The following SH3TC2 variants were observed in gnomAD, a reference collection of about 807,000 sequenced individuals.
SH3TC2 encodes SH3 domain and tetratricopeptide repeat-containing protein 2.
In SH3TC2, 87 loss-of-function variants were observed where a neutral mutation model predicts 124.5. The observed-to-expected ratio is 0.70, with a 90% CI of 0.59 to 0.84. The LOEUF (loss-of-function observed/expected upper bound fraction) is 0.84. Among genes scored for constraint, SH3TC2 ranks in the 40% least tolerant of loss-of-function variants. SH3TC2 has a pLI of 0.00. For synonymous variants in SH3TC2, 634 were observed against 628.5 expected, an observed-to-expected ratio of 1.01 and a Z score of -0.13; for missense variants, 1,536 against 1,566.4, an observed-to-expected ratio of 0.98 and a Z score of 0.33.
chr5:148,984,561 G>C lies in SH3TC2; in HGVS notation c.*20150C>G, dbSNP rs970819306. Among the ~76,000 whole-genome samples, 1 of 152,044 alleles carries C rather than the reference G, an allele frequency of 6.6e-6. No individual in the cohort carries two copies. The highest frequency in any genetic ancestry group is 2.4e-5 in the African/African-American group (1 of 41,402). On this transcript the variant is annotated 3_prime_UTR_variant, in exon 17 of 17. Transcript: ENST00000515425. ...AAATTGAGCATTCCTTGACTAAGTC[G>C]AAACCCCTGACTCAGTCTTCTGCCT...
chr5:149,006,825 G>A lies in SH3TC2; in HGVS notation c.3675+56C>T, dbSNP rs576456698. Reference sequence around the variant, plus strand: ...AAGGCTCCTCATTGTCTTTGAGTCAGGAAGGAGAATGGTTGGGTGGTGGCT... The same window carrying A: ...AAGGCTCCTCATTGTCTTTGAGTCAAGAAGGAGAATGGTTGGGTGGTGGCT... On this transcript the variant is annotated intron_variant, in intron 16 of 16. Transcript: ENST00000515425. The A allele has an allele frequency of 2.2e-4, 345 of 1,547,968 alleles. 1 individual carries two copies. Among genetic ancestry groups the A allele is most frequent in the South Asian group, 5.3e-4 (47 of 89,488 alleles).
In SH3TC2 at chr5:149,024,309, G is replaced by T. The variant is rs560804412; in HGVS notation, c.3053+2263C>A. 2.0e-5 allele frequency among the ~76,000 whole-genome samples: 3 copies of T among 152,210 alleles called. No individual in the cohort carries two copies. In the East Asian group the frequency reaches 5.8e-4, roughly 29 times the overall value. ...TGACTTGGCTACCCCAAACACACAT[G>T]CACCGTATGTCTCCTCCATGCCAAG... On this transcript the variant is annotated intron_variant, in intron 12 of 16. Transcript: ENST00000515425.
rs757076953 is a variant in SH3TC2 at position 149,062,333 on chromosome 5, C to G, written c.52+638G>C. On this transcript the variant is annotated intron_variant, in intron 1 of 16. Transcript: ENST00000515425. The stretch of plus-strand genomic sequence containing the variant: ...AGAAGGTTGCTTCAGGGAGACCAAC[C>G]AGCCTGGTTGGCCTGGAACTGACAT... 27 of 531,680 alleles carry G rather than the reference C, an allele frequency of 5.1e-5. 1 individual carries two copies. The Admixed American group carries it at 5.3e-4, about 10-fold the overall frequency. The allele number at this position is 531,680 out of a possible 1,614,324, so 32.9% of individuals were successfully genotyped here. A position where few individuals can be genotyped will look rare whatever the true frequency, so the allele number is the denominator to read the frequency against.
intron 2 of SH3TC2, 172 bp from the exon 3 acceptor site, chr5:149,048,161 C>G (rs534431101): frequency 1.1e-6 from 1 of 877,724 alleles, no homozygotes; most frequent in South Asian, 1.5e-5. Flanking sequence ...TTTAAATGGT[C>G]CTCCCTTGAG....
In SH3TC2 at chr5:149,041,587, A is replaced by G. The variant is rs1554122762; in HGVS notation, c.560T>C (p.Val187Ala). The G allele has an allele frequency of 6.2e-7, 1 of 1,614,204 alleles. No individual in the cohort carries two copies. The highest frequency in any genetic ancestry group is 8.5e-7 in the Non-Finnish European group (1 of 1,180,040). ...CCCTTCCTTCTCGGCTGGTGGAGTC[A>G]CGGAGCACAGGGCTCTGCAGAAGAA... ...GHFFCRALCS[V>A]TPPAEKEGEC... Residue 187 changes from valine to alanine, a missense_variant, in exon 6 of 17, where the codon GTG becomes GCG. Transcript: ENST00000515425.
At chr5:149,059,006 G>A (rs563931233) in intron 1 of SH3TC2, among the ~76,000 whole-genome samples, 4 of 152,142 alleles carry the variant, frequency 2.6e-5, no homozygotes, top group Non-Finnish European at 5.9e-5. Context: ...CCCTGGCAAT[G>A]AGAAGTGAGG....
Position 148,985,008 on chromosome 5 carries a change from T to A in SH3TC2, c.*19703A>T, listed in dbSNP as rs1753311073. On this transcript the variant is annotated 3_prime_UTR_variant, in exon 17 of 17. Coordinates refer to ENST00000515425, the MANE Select transcript of SH3TC2 (RefSeq NM_024577.4). ...GGAAGATTACTCCCATTATTTTTAA[T>A]CTGGTTTTCATGGTTCCACCAACCT... Among the ~76,000 whole-genome samples the A allele has an allele frequency of 1.3e-5, 2 of 152,172 alleles. No individual in the cohort carries two copies. Among genetic ancestry groups the A allele is most frequent in the South Asian group, 4.1e-4 (2 of 4,830 alleles).
intron 2 of SH3TC2, among the ~76,000 whole-genome samples, chr5:149,050,712 A>G (rs1032454444): frequency 6.6e-6 from 1 of 152,188 alleles, no homozygotes; most frequent in South Asian, 2.1e-4. Context: ...TTATGGCTAT[A>G]CCACCCTGAA....
In SH3TC2 at chr5:148,995,311, A is replaced by G. The variant is rs1353024234; in HGVS notation, c.*9400T>C. ...CTGAAATACTTTAAACCTTGATTCT[A>G]TCACCTGAAAAGGGGAGATAAGGTC... On this transcript the variant is annotated 3_prime_UTR_variant, in exon 17 of 17. Coordinates refer to ENST00000515425, the MANE Select transcript of SH3TC2 (RefSeq NM_024577.4). Among the ~76,000 whole-genome samples, 1 of 152,240 alleles carries G rather than the reference A, an allele frequency of 6.6e-6. No homozygotes were observed. Among genetic ancestry groups the G allele is most frequent in the African/African-American group, 2.4e-5 (1 of 41,464 alleles).
chr5:149,055,215 C>G (rs577649798), intron 1 of SH3TC2, among the ~76,000 whole-genome samples: 43 of 151,808 alleles, frequency 2.8e-4, no homozygotes, highest in African/African-American at 1.0e-3. Context: ...TCAAAAGATG[C>G]AATTAAGAGA....
At position 148,984,866 on chromosome 5, in the gene SH3TC2, G is replaced by C. The variant is rs1753309192; in HGVS notation, c.*19845C>G. Among the ~76,000 whole-genome samples, 1 of 152,104 alleles carries C rather than the reference G, an allele frequency of 6.6e-6. No homozygotes were observed. Among genetic ancestry groups the C allele is most frequent in the Admixed American group, 6.6e-5 (1 of 15,262 alleles). On this transcript the variant is annotated 3_prime_UTR_variant, in exon 17 of 17. Coordinates refer to ENST00000515425, the MANE Select transcript of SH3TC2 (RefSeq NM_024577.4). The stretch of plus-strand genomic sequence containing the variant: ...TCACTTCTTTGACCTCAAATAATTT[G>C]TAATCTGCAAATAGTCAAAGTGAGC...
At position 149,061,520 on chromosome 5, in the gene SH3TC2, T is replaced by C. The variant is rs113462211; in HGVS notation, c.52+1451A>G. On this transcript the variant is annotated intron_variant, in intron 1 of 16. Transcript: ENST00000515425. ...CACCAGACTGTTTCACCATTTCACATGTAGACTTAATCTCCACCACAGCTC... is the reference window on the plus strand; with the variant it reads ...CACCAGACTGTTTCACCATTTCACACGTAGACTTAATCTCCACCACAGCTC... Among the ~76,000 whole-genome samples, 1,510 of 152,350 alleles carry C rather than the reference T, an allele frequency of 9.9e-3. 22 individuals carry two copies. The highest frequency in any genetic ancestry group is 0.034 in the African/African-American group (1,430 of 41,572).
intron 16 of SH3TC2, among the ~76,000 whole-genome samples, chr5:149,005,471 A>C (rs1237145361): frequency 6.6e-6 from 1 of 152,250 alleles, no homozygotes; most frequent in Non-Finnish European, 1.5e-5. Flanking sequence ...TCTTTGAGCC[A>C]GTAAGTTGCC....
intron 1 of SH3TC2, among the ~76,000 whole-genome samples, chr5:149,062,120 A>T (rs1326673182): frequency 6.6e-6 from 1 of 152,088 alleles, no homozygotes; most frequent in East Asian, 1.9e-4. Flanking sequence ...ACCATGGTGG[A>T]GCTCCAGGAA....
At chr5:149,029,729 A>C (rs1275797256) in intron 9 of SH3TC2, among the ~76,000 whole-genome samples, 1 of 152,174 alleles carries the variant, frequency 6.6e-6, no homozygotes, top group Non-Finnish European at 1.5e-5. Flanking sequence ...CACCAAGTGC[A>C]ACCGGACTAG....
In SH3TC2 at chr5:149,001,119, C is replaced by A. The variant is rs1014366963; in HGVS notation, c.*3592G>T. On this transcript the variant is annotated 3_prime_UTR_variant, in exon 17 of 17. Transcript: ENST00000515425. ...CTGCATATTCCCTTCCCCAAATAAA[C>A]TTCTGCCAAATGAGGTGCATTATAT... 6.6e-6 allele frequency among the ~76,000 whole-genome samples: 1 copy of A among 152,122 alleles called. No individual in the cohort carries two copies. Among genetic ancestry groups the A allele is most frequent in the Non-Finnish European group, 1.5e-5 (1 of 68,026 alleles).
rs758879865 is a variant in SH3TC2, at chr5:149,028,641, A to T, written c.1177+36T>A. On this transcript the variant is annotated intron_variant, in intron 10 of 16. Coordinates refer to ENST00000515425, the MANE Select transcript of SH3TC2 (RefSeq NM_024577.4). ...CAAGAGGACAGAAGTGCTGTCCTCA[A>T]GGATGAATGTCAGGTTCAGCATGAT... The T allele has an allele frequency of 3.1e-6, 5 of 1,614,204 alleles. No individual in the cohort carries two copies. The South Asian group carries it at 5.5e-5, about 18-fold the overall frequency.
In SH3TC2 at chr5:149,012,723, C is replaced by T; in HGVS notation, c.3065G>A (p.Arg1022Lys). Residue 1022 changes from arginine (R) to lysine (K), a missense_variant, in exon 13 of 17, where the codon AGG becomes AAG. Physicochemically the swap from Arg to Lys is conservative, Grantham distance 26. This residue lies in a region of SH3TC2 where 426 missense variants were observed against 443.5 expected (regional missense o/e 0.96). Transcript: ENST00000515425. ...GCTCTCCTTGATGCATGTGAGTGACCTCCTGAGGGACCTGGGGACAGACAT... is the reference window on the plus strand; with the variant it reads ...GCTCTCCTTGATGCATGTGAGTGACTTCCTGAGGGACCTGGGGACAGACAT... ...RNLNTARSLR[R>K]SLTCIKESLR... The T allele has an allele frequency of 6.2e-7, 1 of 1,614,106 alleles. No homozygotes were observed. The highest frequency in any genetic ancestry group is 8.5e-7 in the Non-Finnish European group (1 of 1,180,012).
intron 5 of SH3TC2, among the ~76,000 whole-genome samples, chr5:149,042,257 C>T (rs900079512): frequency 3.9e-5 from 6 of 152,226 alleles, no homozygotes; most frequent in Admixed American, 6.5e-5. Flanking sequence ...CATCACTTTC[C>T]TCACTTTCAT....
Sources: allele counts gnomAD v4.1 joint callset (sites outside exome capture counted in the v4.1 genomes callset), GRCh38; gene constraint gnomAD v4.1.1; regional missense constraint gnomAD v4.1.1; transcripts MANE v1.5; gene names NCBI Gene and HGNC (gene_info 2026-07-23, HGNC 2026-07-21).